The following SERINC4 variants were observed in gnomAD, a reference collection of about 807,000 sequenced individuals.
The protein encoded by SERINC4 is serine incorporator 4.
Under a neutral mutation model 52.0 loss-of-function variants are expected in SERINC4, and 52 were observed. The observed-to-expected ratio is 1.00, with a 90% CI of 0.80 to 1.26. The LOEUF (loss-of-function observed/expected upper bound fraction) is 1.26, where lower values mean the gene tolerates loss of function less well. Among genes scored for constraint, SERINC4 ranks in the 50% most tolerant of loss-of-function variants. The pLI is 0.00. For synonymous variants in SERINC4, 264 were observed against 247.7 expected (o/e 1.07, Z -0.62); for missense variants, 723 against 632.8 (o/e 1.14, Z -1.53).
Position 43,796,152 on chromosome 15 carries a change from C to T in SERINC4, c.1140+3G>A. 8.1e-6 allele frequency: 13 copies of T among 1,610,494 alleles called. No individual in the cohort carries two copies. The highest frequency in any genetic ancestry group is 2.2e-5 in the East Asian group (1 of 44,878). ...TTGGGGATATGGAGCTCTTTATCCT[C>T]ACCTGAAACTCATAGCTGTAAACCT... is the stretch of plus-strand genomic sequence containing the variant. On this transcript the variant is annotated splice_donor_region_variant and intron_variant, in intron 9 of 11. Transcript: ENST00000319327.
At chr15:43,795,648 G>A in intron 10 of SERINC4, 40 bp downstream of exon 10, 1 of 1,611,788 alleles carries the variant, frequency 6.2e-7, no homozygotes, top group East Asian at 2.2e-5. Context: ...GCACTCCACA[G>A]AGATCTACCA....
At position 43,795,022 on chromosome 15, in the gene SERINC4, T is replaced by C. The variant is rs764032205; in HGVS notation, c.1535A>G (p.Asp512Gly). 6.2e-7 allele frequency: 1 copy of C among 1,611,470 alleles called. No homozygotes were observed. Among genetic ancestry groups the C allele is most frequent in the Admixed American group, 1.7e-5 (1 of 59,868 alleles). Residue 512 changes from aspartate (D) to glycine (G), a missense_variant, in exon 12 of 12, where the codon GAT becomes GGT. Transcript: ENST00000319327. ...GACTTAGACTGGAGGATATTTGTTA[T>C]CTGGGGATATGATGCGGTGGCGGCG... ...RRRRHRIISPDNKYPPV is the reference protein window; with the variant it reads ...RRRRHRIISPGNKYPPV
At chr15:43,796,305 ACTGGTAAT>A (rs1156404929) in intron 8 of SERINC4, 78 bp from the exon 9 acceptor site, 244 of 1,104,920 alleles carry the variant, frequency 2.2e-4, no homozygotes, top group Admixed American at 2.7e-4. Context: ...ATTGGTCCAT[ACTGGTAAT>A]CCTCAAAAGG....
rs1273757506 is a variant in SERINC4 at position 43,800,213 on chromosome 15, T to G, written c.-227A>C. The G allele has an allele frequency of 6.8e-6, 4 of 589,010 alleles. No individual in the cohort carries two copies. Among genetic ancestry groups the G allele is most frequent in the South Asian group, 4.2e-5 (2 of 48,120 alleles). 36.5% of individuals were successfully genotyped at this position (589,010 alleles called of 1,614,324 possible). On this transcript the variant is annotated 5_prime_UTR_variant, in exon 1 of 12. Transcript: ENST00000319327. ...GCCTCAACACTGCGGCCACTCAGGC[T>G]GTTCTCTCCAGATTAGGGGGCAGTT... is the stretch of plus-strand genomic sequence containing the variant.
chr15:43,794,229 G>C lies in SERINC4; in HGVS notation c.*771C>G. ...ACCAAACAAGTACTCCGGATATGCA[G>C]TAGAGGAATCCTCTAAGAACCATAG... On this transcript the variant is annotated 3_prime_UTR_variant, in exon 12 of 12. Transcript: ENST00000319327. The C allele has an allele frequency of 2.2e-6, 1 of 461,966 alleles. No homozygotes were observed. The highest frequency in any genetic ancestry group is 3.8e-6 in the Non-Finnish European group (1 of 259,978). 28.6% of individuals were successfully genotyped at this position (461,966 alleles called of 1,614,324 possible).
rs1476741979 is a variant in SERINC4 at position 43,796,840 on chromosome 15, CT to C, written c.940+4del. 14 of 1,613,664 alleles carry C rather than the reference CT, an allele frequency of 8.7e-6. No individual in the cohort carries two copies. In the Admixed American group the frequency reaches 2.3e-4, roughly 27 times the overall value. ...AGCATGGAGAATCCAGGTCCTGTCCCTTACCTCTCTCTGGAGGACGGCTGGA... is the reference window on the plus strand; with the variant it reads ...AGCATGGAGAATCCAGGTCCTGTCCCTACCTCTCTCTGGAGGACGGCTGGA... On this transcript the variant is annotated splice_donor_region_variant and intron_variant, in intron 7 of 11. Coordinates refer to ENST00000319327, the MANE Select transcript of SERINC4 (RefSeq NM_001258031.2).
Position 43,799,937 on chromosome 15 carries a change from G to T in SERINC4, c.50C>A (p.Ala17Glu). ...ACTGCTGCCTCCGCTGTGCTGCTGTGCCAGGCCCAGGGAGGTGCCGGGGCT... is the reference window on the plus strand; with the variant it reads ...ACTGCTGCCTCCGCTGTGCTGCTGTTCCAGGCCCAGGGAGGTGCCGGGGCT... ...GPSPGTSLGL[A>E]QQHSGGSSVL... is the part of the protein sequence containing the mutation. The change falls in exon 1 of 12, where the codon GCA becomes GAA. Residue 17 changes from alanine (A) to glutamate (E), a missense_variant. Coordinates refer to ENST00000319327, the MANE Select transcript of SERINC4 (RefSeq NM_001258031.2). 6.5e-7 allele frequency: 1 copy of T among 1,549,618 alleles called. No individual in the cohort carries two copies. The highest frequency in any genetic ancestry group is 1.4e-5 in the African/African-American group (1 of 73,134).
At chr15:43,795,568 G>A (rs369620901) in intron 10 of SERINC4, 27 bp from the exon 11 acceptor site, 5 of 1,613,784 alleles carry the variant, frequency 3.1e-6, no homozygotes, top group Non-Finnish European at 4.2e-6. Context: ...GCTGCTGGGA[G>A]CAGAGCTGCT....
Position 43,794,960 on chromosome 15 carries a change from G to C in SERINC4, c.*40C>G. ...GACAGCTCCCCTTGAGCCAACTCTA[G>C]GAGTACAATGTCAGGGGAACCCCAG... On this transcript the variant is annotated 3_prime_UTR_variant, in exon 12 of 12. Transcript: ENST00000319327. The C allele has an allele frequency of 6.6e-7, 1 of 1,518,994 alleles. No homozygotes were observed. Among genetic ancestry groups the C allele is most frequent in the Non-Finnish European group, 9.0e-7 (1 of 1,111,908 alleles). 94.1% of individuals were successfully genotyped at this position (1,518,994 alleles called of 1,614,324 possible).
Position 43,800,046 on chromosome 15 carries a change from G to C in SERINC4, c.-60C>G, listed in dbSNP as rs2087289336. 1 of 1,286,746 alleles carries C rather than the reference G, an allele frequency of 7.8e-7. No homozygotes were observed. 79.7% of individuals were successfully genotyped at this position (1,286,746 alleles called of 1,614,324 possible). A position where few individuals can be genotyped will look rare whatever the true frequency, so the allele number is the denominator to read the frequency against. On this transcript the variant is annotated 5_prime_UTR_variant, in exon 1 of 12. Coordinates refer to ENST00000319327, the MANE Select transcript of SERINC4 (RefSeq NM_001258031.2). The stretch of plus-strand genomic sequence containing the variant: ...TGGAAGGCAGATGAGAGCAGCAGTT[G>C]CTTCTGTCCTCAGCCCATTGGACTG...
Position 43,799,469 on chromosome 15 carries a change from A to G in SERINC4, c.120T>C (p.Pro40=). 1 of 1,550,808 alleles carries G rather than the reference A, an allele frequency of 6.4e-7. No homozygotes were observed. The highest frequency in any genetic ancestry group is 8.7e-7 in the Non-Finnish European group (1 of 1,147,028). The change falls in exon 2 of 12, where the codon CCT becomes CCC. Residue 40 remains proline, a synonymous_variant. Transcript: ENST00000319327. ...AGTGGCAGCAGCTGGCACAAGGAGC[A>G]GGCCCACAGCAGCACACCTGGGAGT... The part of the protein sequence containing the change: ...SPFCQVCCCG[P]APCASCCHSR...
At chr15:43,795,597 TCCC>T in intron 10 of SERINC4, 56 bp from the exon 11 acceptor site, 6 of 1,611,220 alleles carry the variant, frequency 3.7e-6, no homozygotes, top group Non-Finnish European at 5.1e-6. Context: ...TCTTCCCCTC[TCCC>T]CCAACTACCT....
At position 43,799,087 on chromosome 15, in the gene SERINC4, ACAGT is replaced by A. The variant is rs2087268014; in HGVS notation, c.326_329del (p.Asp109ValfsTer54). 2 of 1,550,604 alleles carry A rather than the reference ACAGT, an allele frequency of 1.3e-6. No individual in the cohort carries two copies. Among genetic ancestry groups the A allele is most frequent in the East Asian group, 2.4e-5 (1 of 40,912 alleles). ...CAGCCCCAGAGCCACTGAGCACTGG[ACAGT>A]CAGAGAGGCCAAACAGGTGGGCACA... On this transcript the variant is annotated frameshift_variant, in exon 3 of 12. Coordinates refer to ENST00000319327, the MANE Select transcript of SERINC4 (RefSeq NM_001258031.2). LOFTEE classifies it high-confidence loss of function.
Position 43,795,096 on chromosome 15 carries a change from T to A in SERINC4, c.1461A>T (p.Pro487=). The A allele has an allele frequency of 6.2e-7, 1 of 1,613,664 alleles. No homozygotes were observed. The highest frequency in any genetic ancestry group is 8.5e-7 in the Non-Finnish European group (1 of 1,179,946). The change falls in exon 12 of 12, where the codon CCA becomes CCT. Residue 487 remains proline, a synonymous_variant. Transcript: ENST00000319327. The stretch of plus-strand genomic sequence containing the variant: ...GTTTCTGGGTGGGGGGCCAACAGAG[T>A]GGTGCCAGTAACAGCCCCAGATAGA... ...VLLYLGLLLA[P]LCWPPTQKPQ...
rs1386754934 is a variant in SERINC4 at position 43,799,150 on chromosome 15, G to C, written c.280-13C>G. On this transcript the variant is annotated splice_polypyrimidine_tract_variant and intron_variant, in intron 2 of 11. Coordinates refer to ENST00000319327, the MANE Select transcript of SERINC4 (RefSeq NM_001258031.2). ...AGGGCATCTGGATCTGGGAGTGTGT[G>C]TGAGAGAAATGGCAGGACAAGTCAT... 6.5e-7 allele frequency: 1 copy of C among 1,545,474 alleles called. No individual in the cohort carries two copies. The highest frequency in any genetic ancestry group is 1.2e-5 in the South Asian group (1 of 83,992).
rs2087266557 is a variant in SERINC4, at chr15:43,799,022, A to G, written c.395T>C (p.Leu132Pro). Residue 132 changes from leucine to proline, a missense_variant, in exon 3 of 12, where the codon CTG becomes CCG. Coordinates refer to ENST00000319327, the MANE Select transcript of SERINC4 (RefSeq NM_001258031.2). Reference sequence around the variant, plus strand: ...GAGGTGGACCAGCAACACAGCCTGCAGCAGGTGGAAGGTGGCGGTTCCTGC... The same window carrying G: ...GAGGTGGACCAGCAACACAGCCTGCGGCAGGTGGAAGGTGGCGGTTCCTGC... ...VCAGTATFHL[L>P]QAVLLVHLHS... 1 of 1,550,398 alleles carries G rather than the reference A, an allele frequency of 6.4e-7. No individual in the cohort carries two copies.
At chr15:43,798,849 T>C in intron 3 of SERINC4, 110 bp downstream of exon 3, 2 of 1,127,762 alleles carry the variant, frequency 1.8e-6, no homozygotes, top group Admixed American at 2.1e-5. Flanking sequence ...GACTTAAACC[T>C]GTTTTCTGTC....
At chr15:43,797,022 A>G in intron 6 of SERINC4, 82 bp from the exon 7 acceptor site, 2 of 1,467,410 alleles carry the variant, frequency 1.4e-6, no homozygotes, top group Non-Finnish European at 1.9e-6. Context: ...CTGTCTCCCC[A>G]TCCTTTGGTG....
Position 43,794,181 on chromosome 15 carries a change from G to T in SERINC4, c.*819C>A, listed in dbSNP as rs2087146168. On this transcript the variant is annotated 3_prime_UTR_variant, in exon 12 of 12. Transcript: ENST00000319327. ...ACTTAATAAGTGAAACATCACAGAA[G>T]AAGCCTTTATTATACAATGACAACC... 1 of 547,146 alleles carries T rather than the reference G, an allele frequency of 1.8e-6. No individual in the cohort carries two copies. Among genetic ancestry groups the T allele is most frequent in the Non-Finnish European group, 3.2e-6 (1 of 311,776 alleles). 33.9% of individuals were successfully genotyped at this position (547,146 alleles called of 1,614,324 possible). A position where few individuals can be genotyped will look rare whatever the true frequency, so the allele number is the denominator to read the frequency against.
Sources: gnomAD v4.1 joint callset for allele counts on GRCh38, gnomAD v4.1.1 for gene constraint, MANE v1.5 for transcripts, NCBI Gene and HGNC (gene_info 2026-07-23, HGNC 2026-07-21) for gene names.